The following NFIB variants were observed in gnomAD, a reference collection of about 807,000 sequenced individuals.
The protein encoded by NFIB is nuclear factor 1 B-type.
Under a neutral mutation model 61.5 loss-of-function variants are expected in NFIB, and 11 were observed. That is an observed-to-expected ratio of 0.18 (90% confidence interval 0.11 to 0.30). The LOEUF (loss-of-function observed/expected upper bound fraction) is 0.30. NFIB is among the 10% of genes least tolerant of loss of function. The pLI, the probability that NFIB is intolerant of heterozygous loss-of-function variation, is 1.00. For missense variants in NFIB, 471 were observed against 608.9 expected (o/e 0.77, Z 2.38); for synonymous variants, 260 against 216.5 (o/e 1.20, Z -1.76).
chr9:14,369,948 C>A (rs926519898), intron 1 of NFIB, among the ~76,000 whole-genome samples: 5 of 152,194 alleles, frequency 3.3e-5, no homozygotes, highest in Non-Finnish European at 5.9e-5. Context: ...TATCTCTTTA[C>A]CCCCAGGGTA....
At position 14,265,604 on chromosome 9, in the gene NFIB, T is replaced by C. The variant is rs539199926; in HGVS notation, c.562+41385A>G. ...TCTGTTGTTTAAGCAACACAGTCTA[T>C]AGTATTTTGTTATGGCAGCCCAAGT... On this transcript the variant is annotated intron_variant, in intron 2 of 10. Transcript: ENST00000380953. Among the ~76,000 whole-genome samples, 106 of 152,328 alleles carry C rather than the reference T, an allele frequency of 7.0e-4. 1 individual carries two copies. The highest frequency in any genetic ancestry group is 2.3e-3 in the African/African-American group (96 of 41,576).
At chr9:14,099,322 T>A (rs2035365013) in intron 10 of NFIB, among the ~76,000 whole-genome samples, 1 of 152,174 alleles carries the variant, frequency 6.6e-6, no homozygotes, top group African/African-American at 2.4e-5. Context: ...AGACCTATAT[T>A]TCTTAAATAT....
intron 2 of NFIB, among the ~76,000 whole-genome samples, chr9:14,199,756 C>T (rs2048824252): frequency 6.6e-6 from 1 of 151,950 alleles, no homozygotes; most frequent in South Asian, 2.1e-4. Flanking sequence ...GACTTCAGTT[C>T]ATTGGAGGAT....
chr9:14,478,120 C>T, the NFIB span, among the ~76,000 whole-genome samples: 2 of 152,296 alleles, frequency 1.3e-5, no homozygotes, highest in Non-Finnish European at 2.9e-5. Context: ...TTGGCCCCTT[C>T]CTGGATTTAG....
chr9:14,531,705 G>A, the NFIB span, among the ~76,000 whole-genome samples: 1 of 150,736 alleles, frequency 6.6e-6, no homozygotes, highest in Non-Finnish European at 1.5e-5. Flanking sequence ...AAAAAAAAGG[G>A]AACAAAAACT....
chr9:14,110,229 T>C (rs1444691698), intron 10 of NFIB, among the ~76,000 whole-genome samples: 1 of 152,088 alleles, frequency 6.6e-6, no homozygotes, highest in Non-Finnish European at 1.5e-5. Context: ...AAATTTATCA[T>C]TAACTCTAAT....
intron 2 of NFIB, among the ~76,000 whole-genome samples, chr9:14,263,333 T>G (rs2056946916): frequency 6.6e-6 from 1 of 152,120 alleles, no homozygotes; most frequent in Non-Finnish European, 1.5e-5. Context: ...GAAGAAATAG[T>G]TTCCTTCAGT....
intron 2 of NFIB, among the ~76,000 whole-genome samples, chr9:14,293,989 C>A (rs1019492284): frequency 4.1e-4 from 62 of 152,204 alleles, no homozygotes; most frequent in Non-Finnish European, 1.5e-4. Context: ...AAAATAATTT[C>A]ATCTTGTCCT....
intron 2 of NFIB, among the ~76,000 whole-genome samples, chr9:14,227,468 C>G (rs2052576030): frequency 6.6e-6 from 1 of 152,194 alleles, no homozygotes; most frequent in Non-Finnish European, 1.5e-5. Flanking sequence ...TCTTGAATAT[C>G]TCTCCATAGA....
At chr9:14,400,267 C>T (rs900958812), upstream of NFIB, among the ~76,000 whole-genome samples, 1 of 152,126 alleles carries the variant, frequency 6.6e-6, no homozygotes, top group Admixed American at 6.6e-5. Flanking sequence ...GCACAGGGAT[C>T]CTACTACTTC....
the NFIB span, among the ~76,000 whole-genome samples, chr9:14,463,646 G>A: frequency 7.5e-6 from 1 of 133,834 alleles, no homozygotes; most frequent in Non-Finnish European, 1.6e-5. Context: ...CATGACTGAA[G>A]TCATTTGATT....
chr9:14,452,446 G>T, the NFIB span, among the ~76,000 whole-genome samples: 1 of 45,852 alleles, frequency 2.2e-5, no homozygotes, highest in Admixed American at 1.5e-4. Context: ...GGGAAGGAAA[G>T]GAAAGGAAAG....
chr9:14,124,079 G>T lies in NFIB; in HGVS notation c.1060+1553C>A, dbSNP rs915715307. 3.3e-5 allele frequency among the ~76,000 whole-genome samples: 5 copies of T among 152,122 alleles called. No individual in the cohort carries two copies. The East Asian group carries it at 9.6e-4, about 29-fold the overall frequency. On this transcript the variant is annotated intron_variant, in intron 7 of 10. Coordinates refer to ENST00000380953, the MANE Select transcript of NFIB (RefSeq NM_001190737.2). ...TCCTGAACTCTTTAAGGACAGAAAC[G>T]ATCTTTCTGAACAAGATGCCTAACA...
At chr9:14,206,177 C>CTT (rs57849439) in intron 2 of NFIB, among the ~76,000 whole-genome samples, 2,838 of 135,206 alleles carry the variant, frequency 0.021, 98 homozygotes, top group African/African-American at 0.069. Flanking sequence ...CTCTCTCTCT[C>CTT]TTTTTTTTTT....
intron 10 of NFIB, among the ~76,000 whole-genome samples, chr9:14,104,412 G>T (rs1446629936): frequency 1.3e-5 from 2 of 151,388 alleles, no homozygotes; most frequent in African/African-American, 4.9e-5. Context: ...GGGGCAAATT[G>T]TCTTCTGTTT....
intron 2 of NFIB, among the ~76,000 whole-genome samples, chr9:14,276,657 A>G (rs531125247): frequency 6.6e-6 from 1 of 152,134 alleles, no homozygotes; most frequent in Non-Finnish European, 1.5e-5. Context: ...AGTAATAATA[A>G]TATCTATCTT....
Position 14,313,785 on chromosome 9 carries a change from G to T in NFIB, c.-274C>A. On this transcript the variant is annotated 5_prime_UTR_variant, in exon 1 of 11. Transcript: ENST00000380953. The surrounding 1 kb of genome is among the most constrained non-coding windows in gnomAD (Gnocchi z 4.5). Reference sequence around the variant, plus strand: ...GAGCGCGCTGGCCGTGCTTGCCGAGGCCGCCGCCGCCGCCGGTGTTGGCTG... The same window carrying T: ...GAGCGCGCTGGCCGTGCTTGCCGAGTCCGCCGCCGCCGCCGGTGTTGGCTG... 7.7e-7 allele frequency: 1 copy of T among 1,298,286 alleles called. No homozygotes were observed. Among genetic ancestry groups the T allele is most frequent in the Non-Finnish European group, 9.8e-7 (1 of 1,021,046 alleles). The allele number at this position is 1,298,286 out of a possible 1,614,324, so 80.4% of individuals were successfully genotyped here.
At chr9:14,286,307 A>G (rs1363307887) in intron 2 of NFIB, among the ~76,000 whole-genome samples, 1 of 152,178 alleles carries the variant, frequency 6.6e-6, no homozygotes, top group African/African-American at 2.4e-5. Context: ...ACCCAATGCA[A>G]TTGCTCCAGT....
At chr9:14,270,652 C>T (rs1280304099) in intron 2 of NFIB, among the ~76,000 whole-genome samples, 1 of 141,360 alleles carries the variant, frequency 7.1e-6, no homozygotes, top group East Asian at 2.3e-4. Flanking sequence ...ACCTTCCACA[C>T]ATTTACCTCC....
Sources: gnomAD v4.1 joint callset for allele counts (sites outside exome capture counted in the v4.1 genomes callset) on GRCh38, gnomAD v4.1.1 for gene constraint, Gnocchi (gnomAD v3.1) non-coding constraint, MANE v1.5 for transcripts, NCBI Gene and HGNC (gene_info 2026-07-23, HGNC 2026-07-21) for gene names.